SLC44A5: variants seen among roughly 807,000 people sequenced by gnomAD.
SLC44A5 encodes solute carrier family 44 member 5, also known as choline transporter-like protein 5.
A neutral mutation model predicts 101.8 loss-of-function variants in SLC44A5; 57 were observed. That is an observed-to-expected ratio of 0.56 (90% confidence interval 0.45 to 0.70). The LOEUF is 0.70. SLC44A5 is among the 30% of genes least tolerant of loss of function. The probability of loss-of-function intolerance (pLI) is 0.00; values close to 1 mark genes in which losing one functional copy is unlikely to be tolerated. For synonymous variants in SLC44A5, 281 were observed against 290.9 expected (o/e 0.97, Z 0.35); for missense variants, 737 against 853.1 (o/e 0.86, Z 1.70).
At chr1:75,264,551 G>A (rs543006913) in intron 6 of SLC44A5, among the ~76,000 whole-genome samples, 23 of 152,292 alleles carry the variant, frequency 1.5e-4, no homozygotes, top group African/African-American at 3.8e-4. Context: ...TGACCGTTAG[G>A]TCAAGAAAGA....
At chr1:75,681,197 G>A in the SLC44A5 span, among the ~76,000 whole-genome samples, 4 of 151,398 alleles carry the variant, frequency 2.6e-5, no homozygotes, top group African/African-American at 9.7e-5. Flanking sequence ...GGAGGAACTG[G>A]TACCTTCTGA....
At chr1:75,457,967 T>A (rs181894653) in intron 2 of SLC44A5, among the ~76,000 whole-genome samples, 33 of 152,260 alleles carry the variant, frequency 2.2e-4, no homozygotes, top group Admixed American at 2.0e-3. Flanking sequence ...TGTCAAACCC[T>A]GAGGATACAA....
intron 2 of SLC44A5, among the ~76,000 whole-genome samples, chr1:75,462,006 T>A (rs1666527335): frequency 6.6e-6 from 1 of 152,212 alleles, no homozygotes; most frequent in Non-Finnish European, 1.5e-5. Context: ...CTTTGCCACC[T>A]GCTGACTGTA....
At position 75,607,569 on chromosome 1, in the gene SLC44A5, G is replaced by C. The variant is rs143781675; in HGVS notation, c.-70+3471C>G. Reference sequence around the variant, plus strand: ...ACACATCTGACATAGTTTGGGCTGTGTCCCCACCCAAATCTCATCTTGAAT... The same window carrying C: ...ACACATCTGACATAGTTTGGGCTGTCTCCCCACCCAAATCTCATCTTGAAT... On this transcript the variant is annotated intron_variant, in intron 1 of 23. Transcript: ENST00000370859. 3.8e-3 allele frequency among the ~76,000 whole-genome samples: 584 copies of C among 152,076 alleles called. 3 individuals carry two copies. Among genetic ancestry groups the C allele is most frequent in the Non-Finnish European group, 5.3e-3 (359 of 67,936 alleles).
intron 2 of SLC44A5, among the ~76,000 whole-genome samples, chr1:75,490,711 T>C (rs1024901672): frequency 1.3e-5 from 2 of 152,198 alleles, no homozygotes; most frequent in African/African-American, 4.8e-5. Flanking sequence ...AACTAAAATA[T>C]GTGTCTCCAC....
intron 2 of SLC44A5, among the ~76,000 whole-genome samples, chr1:75,481,283 C>A (rs987804384): frequency 1.3e-5 from 2 of 152,164 alleles, no homozygotes; most frequent in East Asian, 1.9e-4. Context: ...AAATGTTAGA[C>A]CTAAAACCAT....
intron 2 of SLC44A5, among the ~76,000 whole-genome samples, chr1:75,496,954 A>C (rs1490093428): frequency 6.6e-6 from 1 of 152,128 alleles, no homozygotes; most frequent in East Asian, 1.9e-4. Flanking sequence ...ACCTATTAGA[A>C]TGGTTATTAT....
chr1:75,463,319 C>G (rs1034857827), intron 2 of SLC44A5, among the ~76,000 whole-genome samples: 1 of 147,670 alleles, frequency 6.8e-6, no homozygotes, highest in Non-Finnish European at 1.5e-5. Flanking sequence ...ACTCGGGAGG[C>G]TGAGGCAGGA....
rs369026733 is a variant in SLC44A5, at chr1:75,214,706, G to A, written c.1729-28C>T. Reference sequence around the variant, plus strand: ...GAGGAAGACAGTGGCTATTATTCTGGAGCCAGTAACATACTCTAACAAGAT... The same window carrying A: ...GAGGAAGACAGTGGCTATTATTCTGAAGCCAGTAACATACTCTAACAAGAT... On this transcript the variant is annotated intron_variant, in intron 19 of 23. Transcript: ENST00000370859. 2.8e-4 allele frequency: 446 copies of A among 1,575,758 alleles called. 2 individuals carry two copies. The African/African-American group carries it at 5.7e-3, about 20-fold the overall frequency.
chr1:75,505,949 T>C (rs1669229550), intron 2 of SLC44A5, among the ~76,000 whole-genome samples: 1 of 152,204 alleles, frequency 6.6e-6, no homozygotes, highest in African/African-American at 2.4e-5. Flanking sequence ...AAAATGGCAT[T>C]TCCTAGAATT....
chr1:75,231,244 A>T (rs1647538726), intron 12 of SLC44A5, among the ~76,000 whole-genome samples: 1 of 152,062 alleles, frequency 6.6e-6, no homozygotes, highest in African/African-American at 2.4e-5. Context: ...CGATCCCAGC[A>T]CTGCTATGGG....
chr1:75,239,763 C>T (rs1286320096), intron 9 of SLC44A5, among the ~76,000 whole-genome samples: 1 of 152,062 alleles, frequency 6.6e-6, no homozygotes, highest in Non-Finnish European at 1.5e-5. Flanking sequence ...ATTGTCAAAA[C>T]CTCCAGATAT....
the SLC44A5 span, among the ~76,000 whole-genome samples, chr1:75,618,209 A>G: frequency 6.6e-6 from 1 of 152,384 alleles, no homozygotes; most frequent in African/African-American, 2.4e-5. Flanking sequence ...TTGACTAGTT[A>G]GGACTATTTT....
At chr1:75,267,860 C>T (rs556532452) in intron 6 of SLC44A5, among the ~76,000 whole-genome samples, 2 of 152,040 alleles carry the variant, frequency 1.3e-5, no homozygotes, top group East Asian at 1.9e-4. Context: ...CATGAGCCAC[C>T]CTAGCTGGCC....
At chr1:75,683,620 G>C in the SLC44A5 span, among the ~76,000 whole-genome samples, 1 of 152,002 alleles carries the variant, frequency 6.6e-6, no homozygotes, top group Non-Finnish European at 1.5e-5. Flanking sequence ...GTGGCGGAAG[G>C]GGGGAGGGAT....
At chr1:75,304,291 T>C (rs1290745430) in intron 4 of SLC44A5, among the ~76,000 whole-genome samples, 1 of 70,468 alleles carries the variant, frequency 1.4e-5, no homozygotes, top group Non-Finnish European at 2.7e-5. Flanking sequence ...AATTTTTAAA[T>C]AGGTGTGTGT....
chr1:75,626,606 C>T, the SLC44A5 span, among the ~76,000 whole-genome samples: 1 of 152,134 alleles, frequency 6.6e-6, no homozygotes. Flanking sequence ...TTTCCATGTA[C>T]ATCCTCTCAG....
the SLC44A5 span, among the ~76,000 whole-genome samples, chr1:75,715,466 G>C: frequency 6.6e-6 from 1 of 152,130 alleles, no homozygotes; most frequent in Non-Finnish European, 1.5e-5. Context: ...CAATGGAATA[G>C]AATAGAGAGC....
intron 2 of SLC44A5, among the ~76,000 whole-genome samples, chr1:75,533,562 T>C (rs911638912): frequency 5.3e-5 from 8 of 152,084 alleles, no homozygotes; most frequent in African/African-American, 1.9e-4. Context: ...AGACTGCAAA[T>C]ACCAAAACCT....
Sources: allele counts gnomAD v4.1 joint callset (sites outside exome capture counted in the v4.1 genomes callset), GRCh38; gene constraint gnomAD v4.1.1; transcripts MANE v1.5; gene names NCBI Gene and HGNC (gene_info 2026-07-23, HGNC 2026-07-21).